Variants in DYSF observed in about 807,000 individuals in gnomAD.
The protein encoded by DYSF is dysferlin.
Under a neutral mutation model 274.9 loss-of-function variants are expected in DYSF, and 212 were observed. The observed-to-expected ratio is 0.77, with a 90% CI of 0.69 to 0.86. The LOEUF (loss-of-function observed/expected upper bound fraction) is 0.86, where lower values mean the gene tolerates loss of function less well. Ranked by LOEUF, DYSF falls within the 40% of genes least tolerant of loss-of-function variation. The probability of loss-of-function intolerance (pLI) is 0.00; values close to 1 mark genes in which losing one functional copy is unlikely to be tolerated. For missense variants in DYSF, 2,666 were observed against 2,783.2 expected, an observed-to-expected ratio of 0.96 and a Z score of 0.95; for synonymous variants, 1,091 against 1,078.7, an observed-to-expected ratio of 1.01 and a Z score of -0.22.
At chr2:71,481,077 C>A (rs555621140) in intron 2 of DYSF, 139 bp downstream of exon 2, 2 of 846,566 alleles carry the variant, frequency 2.4e-6, no homozygotes, top group South Asian at 1.4e-5. Context: ...AGCCTGCCAA[C>A]GAAATCCTTC....
intron 1 of DYSF, among the ~76,000 whole-genome samples, chr2:71,469,272 AGAGCATGTAGG>A (rs1558932038): frequency 6.6e-6 from 1 of 152,176 alleles, no homozygotes; most frequent in East Asian, 1.9e-4. Flanking sequence ...CAGAACTTAC[AGAGCATGTAGG>A]CTGGGGGGAC....
At chr2:71,508,498 T>G (rs745863246) in intron 4 of DYSF, among the ~76,000 whole-genome samples, 1 of 152,242 alleles carries the variant, frequency 6.6e-6, no homozygotes, top group Non-Finnish European at 1.5e-5. Flanking sequence ...TTTCTTTGAC[T>G]TTTATAACCT....
intron 51 of DYSF, among the ~76,000 whole-genome samples, chr2:71,670,202 A>G (rs1271906129): frequency 1.3e-5 from 2 of 152,102 alleles, no homozygotes; most frequent in Admixed American, 1.3e-4. Flanking sequence ...TGGCCACCTC[A>G]TGATCACACA....
intron 1 of DYSF, among the ~76,000 whole-genome samples, chr2:71,459,040 T>G (rs1270917035): frequency 6.6e-6 from 1 of 152,182 alleles, no homozygotes; most frequent in East Asian, 1.9e-4. Flanking sequence ...ACAGGTCCCC[T>G]GTCAATTCCA....
At chr2:71,454,178 G>C in intron 1 of DYSF, 1 of 1,268,286 alleles carries the variant, frequency 7.9e-7, no homozygotes, top group Non-Finnish European at 1.1e-6. Context: ...CTAGAGCTGA[G>C]AGACAGGAGA....
chr2:71,682,785 T>C (rs1032053269), intron 55 of DYSF, 108 bp downstream of exon 55: 5 of 1,463,372 alleles, frequency 3.4e-6, no homozygotes, highest in East Asian at 4.9e-5. Context: ...GTAACCTCTG[T>C]CCTTGGAGAG....
chr2:71,587,706 C>T (rs1209460654), intron 30 of DYSF, among the ~76,000 whole-genome samples: 2 of 152,224 alleles, frequency 1.3e-5, no homozygotes, highest in African/African-American at 4.8e-5. Flanking sequence ...TGCCCAAAGT[C>T]ACACAGCCAG....
rs892665281 is a variant in DYSF at position 71,678,912 on chromosome 2, C to G, written c.5885-145C>G. On this transcript the variant is annotated intron_variant, in intron 52 of 55. Coordinates refer to ENST00000410020, the MANE Select transcript of DYSF (RefSeq NM_001130987.2). Reference sequence around the variant, plus strand: ...ACAATGGGTAGGGAGGTGGAGAGTTCGTGAGATTTTACCTGTGGCTCGGCC... The same window carrying G: ...ACAATGGGTAGGGAGGTGGAGAGTTGGTGAGATTTTACCTGTGGCTCGGCC... The G allele has an allele frequency of 3.2e-5, 23 of 723,368 alleles. No individual in the cohort carries two copies. In the South Asian group the frequency reaches 3.5e-4, roughly 11 times the overall value. The allele number at this position is 723,368 out of a possible 1,614,324, so 44.8% of individuals were successfully genotyped here. A position where few individuals can be genotyped will look rare whatever the true frequency, so the allele number is the denominator to read the frequency against.
At position 71,562,340 on chromosome 2, in the gene DYSF, AC is replaced by A. The variant is rs201511181; in HGVS notation, c.2409+398del. Among the ~76,000 whole-genome samples the A allele has an allele frequency of 5.5e-3, 838 of 151,916 alleles. 7 individuals are homozygous for A. Among genetic ancestry groups the A allele is most frequent in the African/African-American group, 0.019 (782 of 41,390 alleles). Reference sequence around the variant, plus strand: ...AGTGCCTGTCTGCACCTGGCCAACAACCTGCCCTGCCTGGACCCTCTGTTTC... The same window carrying A: ...AGTGCCTGTCTGCACCTGGCCAACAACTGCCCTGCCTGGACCCTCTGTTTC... On this transcript the variant is annotated intron_variant, in intron 23 of 55. Coordinates refer to ENST00000410020, the MANE Select transcript of DYSF (RefSeq NM_001130987.2).
chr2:71,611,232 C>T lies in DYSF; in HGVS notation c.3958-13C>T, dbSNP rs1417797236. ...TCCACCTTTGTCTCCATTCTACCTG[C>T]TGTCCACTGCAGTCTGAGGACACAG... On this transcript the variant is annotated splice_polypyrimidine_tract_variant and intron_variant, in intron 36 of 55. Transcript: ENST00000410020. The T allele has an allele frequency of 6.3e-7, 1 of 1,586,280 alleles. No homozygotes were observed. The highest frequency in any genetic ancestry group is 8.7e-7 in the Non-Finnish European group (1 of 1,154,642).
At chr2:71,567,886 G>A in intron 24 of DYSF, 65 bp from the exon 25 acceptor site, 1 of 1,597,964 alleles carries the variant, frequency 6.3e-7, no homozygotes, top group Non-Finnish European at 8.5e-7. Context: ...CTCCTCCCCA[G>A]CCTCTCACTG....
chr2:71,482,769 C>T (rs1473818210), intron 3 of DYSF, among the ~76,000 whole-genome samples: 5 of 151,984 alleles, frequency 3.3e-5, no homozygotes, highest in East Asian at 1.9e-4. Context: ...AGTGGGAGTC[C>T]GGTTGTCCCT....
chr2:71,549,671 C>T (rs2090783093), intron 17 of DYSF, among the ~76,000 whole-genome samples: 1 of 147,138 alleles, frequency 6.8e-6, no homozygotes. Context: ...ACCACTCTGT[C>T]TGGTAGTGAG....
At chr2:71,562,028 G>A in intron 23 of DYSF, 84 bp downstream of exon 23, 1 of 1,535,694 alleles carries the variant, frequency 6.5e-7, no homozygotes, top group Non-Finnish European at 8.8e-7. Context: ...GCGAATGTCT[G>A]GATTATTACC....
chr2:71,576,235 A>C (rs1035958545), intron 30 of DYSF: 1 of 152,880 alleles, frequency 6.5e-6, no homozygotes, highest in African/African-American at 2.4e-5. Flanking sequence ...AAAACAAAAA[A>C]CAAAAACCAA....
intron 40 of DYSF, among the ~76,000 whole-genome samples, chr2:71,613,846 G>C (rs2093824245): frequency 6.6e-6 from 1 of 152,162 alleles, no homozygotes; most frequent in South Asian, 2.1e-4. Context: ...GCTTGTGCTT[G>C]GTGGCTCCTT....
intron 14 of DYSF, among the ~76,000 whole-genome samples, chr2:71,530,687 A>C (rs1404081682): frequency 6.6e-6 from 1 of 152,118 alleles, no homozygotes; most frequent in Non-Finnish European, 1.5e-5. Context: ...CAACCTGGCC[A>C]GCCTCCTCGG....
At position 71,459,003 on chromosome 2, in the gene DYSF, T is replaced by G. The variant is rs146793044; in HGVS notation, c.88+4917T>G. ...GGCTGTGGTCAGAACCAGGACTGCA[T>G]GTGGGTTCTACCCTCTTGCTGGATA... On this transcript the variant is annotated intron_variant, in intron 1 of 54. Transcript: ENST00000258104. Among the ~76,000 whole-genome samples, 790 of 152,308 alleles carry G rather than the reference T, an allele frequency of 5.2e-3. 6 individuals carry two copies. Among genetic ancestry groups the G allele is most frequent in the African/African-American group, 0.017 (704 of 41,570 alleles).
In DYSF at chr2:71,667,491, C is replaced by A; in HGVS notation, c.5433C>A (p.Ser1811Arg). 1.2e-6 allele frequency: 2 copies of A among 1,614,118 alleles called. No homozygotes were observed. The highest frequency in any genetic ancestry group is 1.7e-6 in the Non-Finnish European group (2 of 1,180,014). The change falls in exon 48 of 56, where the codon AGC (serine) becomes AGA (arginine). Residue 1811 changes from serine (S) to arginine (R), a missense_variant. Transcript: ENST00000410020. ...ACGTGGAGTCACGGCCCCTCTACAG[C>A]CCCCTGCAGCCAGACATCGAGCAGG... ...PEHVESRPLYSPLQPDIEQGK... is the reference protein window; with the variant it reads ...PEHVESRPLYRPLQPDIEQGK...
Sources: allele counts gnomAD v4.1 joint callset (sites outside exome capture counted in the v4.1 genomes callset), GRCh38; gene constraint gnomAD v4.1.1; transcripts MANE v1.5; gene names NCBI Gene and HGNC (gene_info 2026-07-23, HGNC 2026-07-21).